NLGN1: variants seen among roughly 807,000 people sequenced by gnomAD.
NLGN1 encodes the protein neuroligin 1.
In NLGN1, 12 loss-of-function variants were observed where a neutral mutation model predicts 65.5. That is an observed-to-expected ratio of 0.18 (90% CI 0.12 to 0.30). The LOEUF (loss-of-function observed/expected upper bound fraction) is 0.30, where lower values mean the gene tolerates loss of function less well. Ranked by LOEUF, NLGN1 falls within the 10% of genes least tolerant of loss-of-function variation. The pLI is 1.00. For missense variants in NLGN1, 750 were observed against 1,007.1 expected, an observed-to-expected ratio of 0.74 and a Z score of 3.46; for synonymous variants, 350 against 359.5, an observed-to-expected ratio of 0.97 and a Z score of 0.30.
intron 3 of NLGN1, among the ~76,000 whole-genome samples, chr3:173,694,801 T>G (rs1765975058): frequency 6.6e-6 from 1 of 152,182 alleles, no homozygotes. Flanking sequence ...TTTTATTGAC[T>G]GTGACAAGAC....
chr3:174,187,172 T>C (rs1259425576), intron 4 of NLGN1, among the ~76,000 whole-genome samples: 1 of 152,004 alleles, frequency 6.6e-6, no homozygotes, highest in African/African-American at 2.4e-5. Context: ...AATCAATGAT[T>C]GGTAGAATTC....
chr3:173,738,045 A>T (rs146859507), intron 3 of NLGN1, among the ~76,000 whole-genome samples: 294 of 152,146 alleles, frequency 1.9e-3, no homozygotes, highest in African/African-American at 6.4e-3. Flanking sequence ...CCATTTCTAT[A>T]TCTTCTTTGG....
intron 2 of NLGN1, among the ~76,000 whole-genome samples, chr3:173,464,263 A>T (rs1462843553): frequency 6.6e-6 from 1 of 152,136 alleles, no homozygotes; most frequent in Non-Finnish European, 1.5e-5. Flanking sequence ...AATTTTATAG[A>T]TGTGGAAACT....
chr3:174,092,530 A>AC (rs1239567323), intron 4 of NLGN1, among the ~76,000 whole-genome samples: 8 of 152,126 alleles, frequency 5.3e-5, no homozygotes, highest in Non-Finnish European at 8.8e-5. Flanking sequence ...AAAAAAAAAA[A>AC]ATGAAAGTAA....
At chr3:173,402,387 G>A (rs143096706) in intron 1 of NLGN1, among the ~76,000 whole-genome samples, 1 of 151,952 alleles carries the variant, frequency 6.6e-6, no homozygotes, top group Non-Finnish European at 1.5e-5. Context: ...TAAGTTCGTT[G>A]AATGCAAATT....
intron 4 of NLGN1, among the ~76,000 whole-genome samples, chr3:173,990,059 G>A (rs1720780974): frequency 6.6e-6 from 1 of 152,198 alleles, no homozygotes; most frequent in East Asian, 1.9e-4. Flanking sequence ...AGGGATGGAT[G>A]ATGTTGTTGC....
intron 4 of NLGN1, among the ~76,000 whole-genome samples, chr3:174,219,845 G>A (rs1364086332): frequency 1.3e-5 from 2 of 152,156 alleles, no homozygotes; most frequent in Non-Finnish European, 2.9e-5. Flanking sequence ...ATAGGAAACA[G>A]AAGCAAGATA....
In NLGN1 at chr3:174,124,626, C is replaced by CAT. The variant is rs1365893342; in HGVS notation, c.647-150685_647-150684dup. ...ATATATACGTATATATACGTATACACATATACGTATATATATAAGTACATA... is the reference window on the plus strand; with the variant it reads ...ATATATACGTATATATACGTATACACATATATACGTATATATATAAGTACATA... On this transcript the variant is annotated intron_variant, in intron 4 of 6. Coordinates refer to ENST00000457714, the Ensembl canonical transcript of NLGN1. 2.7e-5 allele frequency among the ~76,000 whole-genome samples: 3 copies of CAT among 110,672 alleles called. No homozygotes were observed. In the South Asian group the frequency reaches 7.5e-4, roughly 28 times the overall value. The allele number at this position is 110,672 out of a possible 152,430, so 72.6% of individuals were successfully genotyped here.
chr3:174,062,163 A>T (rs1277988298), intron 4 of NLGN1, among the ~76,000 whole-genome samples: 1 of 152,102 alleles, frequency 6.6e-6, no homozygotes, highest in Admixed American at 6.6e-5. Flanking sequence ...AAATCCACTG[A>T]TCTTAACTGA....
chr3:173,575,208 T>TA (rs1407088836), intron 2 of NLGN1, among the ~76,000 whole-genome samples: 17 of 151,406 alleles, frequency 1.1e-4, no homozygotes, highest in Non-Finnish European at 2.1e-4. Flanking sequence ...AAATAAAAAA[T>TA]AAAAAAATAA....
intron 4 of NLGN1, among the ~76,000 whole-genome samples, chr3:173,958,812 T>C (rs371788106): frequency 1.6e-3 from 239 of 152,308 alleles, no homozygotes; most frequent in African/African-American, 5.4e-3. Context: ...CAGGCCAGTG[T>C]TGAGCTGCCC....
At chr3:173,506,945 T>C (rs766139157) in intron 2 of NLGN1, among the ~76,000 whole-genome samples, 33 of 152,176 alleles carry the variant, frequency 2.2e-4, no homozygotes, top group South Asian at 4.1e-4. Flanking sequence ...AACTCAGTTG[T>C]AACACTTGGT....
At chr3:174,258,998 A>T (rs963186974) in intron 4 of NLGN1, among the ~76,000 whole-genome samples, 1 of 152,158 alleles carries the variant, frequency 6.6e-6, no homozygotes, top group East Asian at 1.9e-4. Context: ...GAAAAGTTTT[A>T]AAATCACTAA....
At chr3:174,077,340 G>T (rs1398522034) in intron 4 of NLGN1, among the ~76,000 whole-genome samples, 1 of 152,088 alleles carries the variant, frequency 6.6e-6, no homozygotes, top group Non-Finnish European at 1.5e-5. Context: ...GGAGTTTAAT[G>T]CACTACTAGA....
chr3:173,782,401 A>G (rs1206281515), intron 3 of NLGN1, among the ~76,000 whole-genome samples: 1 of 152,190 alleles, frequency 6.6e-6, no homozygotes, highest in African/African-American at 2.4e-5. Context: ...TTACCATAAA[A>G]CTATAGAAAT....
intron 4 of NLGN1, among the ~76,000 whole-genome samples, chr3:174,086,821 C>T (rs1306691067): frequency 6.6e-6 from 1 of 151,922 alleles, no homozygotes; most frequent in Non-Finnish European, 1.5e-5. Flanking sequence ...ACAGTAGAAT[C>T]TCTACAAAAT....
At chr3:174,065,911 A>G (rs1299746838) in intron 4 of NLGN1, among the ~76,000 whole-genome samples, 1 of 152,120 alleles carries the variant, frequency 6.6e-6, no homozygotes, top group East Asian at 1.9e-4. Context: ...CATGCAAGGA[A>G]CTGAATCTTG....
chr3:174,167,604 T>C (rs1451706147), intron 4 of NLGN1, among the ~76,000 whole-genome samples: 2 of 150,520 alleles, frequency 1.3e-5, no homozygotes, highest in African/African-American at 4.9e-5. Context: ...TTTTTTTTTT[T>C]TTTTTAACCT....
At chr3:173,596,648 C>T (rs1749540163) in intron 2 of NLGN1, among the ~76,000 whole-genome samples, 1 of 33,326 alleles carries the variant, frequency 3.0e-5, no homozygotes, top group African/African-American at 9.6e-5. Context: ...TTACATGATG[C>T]TCATGGCAGA....
Sources: allele counts gnomAD v4.1 joint callset (sites outside exome capture counted in the v4.1 genomes callset), GRCh38; gene constraint gnomAD v4.1.1; transcripts MANE v1.5; gene names NCBI Gene and HGNC (gene_info 2026-07-23, HGNC 2026-07-21).